AIG1: variants seen among roughly 807,000 people sequenced by gnomAD.
AIG1 encodes androgen-induced gene 1 protein.
In AIG1, 23 loss-of-function variants were observed where a neutral mutation model predicts 31.4. That is an observed-to-expected ratio of 0.73 (90% CI 0.53 to 1.04). The LOEUF (loss-of-function observed/expected upper bound fraction) is 1.04, where lower values mean the gene tolerates loss of function less well. Ranked by LOEUF, AIG1 falls within the 50% of genes least tolerant of loss-of-function variation. The pLI, the probability that AIG1 is intolerant of heterozygous loss-of-function variation, is 0.00. For missense variants in AIG1, 274 were observed against 295.0 expected, an observed-to-expected ratio of 0.93 and a Z score of 0.52; for synonymous variants, 100 against 110.5, an observed-to-expected ratio of 0.90 and a Z score of 0.60.
At chr6:143,216,806 G>C (rs184699317) in intron 3 of AIG1, among the ~76,000 whole-genome samples, 3 of 152,186 alleles carry the variant, frequency 2.0e-5, no homozygotes, top group East Asian at 1.9e-4. Context: ...CCCCAGCTGC[G>C]TGAGGACAGT....
chr6:143,192,414 G>A (rs1031997632), intron 3 of AIG1, among the ~76,000 whole-genome samples: 1 of 152,110 alleles, frequency 6.6e-6, no homozygotes, highest in South Asian at 2.1e-4. Context: ...AGCCCAGCCT[G>A]GCCAACATGG....
Position 143,201,738 on chromosome 6 carries a change from C to A in AIG1, c.399+36555C>A, listed in dbSNP as rs552661419. ...TCCTCTTTGTTACGGACCTGGGGAT[C>A]CTTTCCTTCCTATCCTACTAGGTCT... On this transcript the variant is annotated intron_variant, in intron 3 of 5. Transcript: ENST00000357847. Among the ~76,000 whole-genome samples the A allele has an allele frequency of 7.9e-5, 12 of 152,256 alleles. No individual in the cohort carries two copies. The South Asian group carries it at 2.3e-3, about 29-fold the overall frequency.
intron 3 of AIG1, among the ~76,000 whole-genome samples, chr6:143,267,663 T>C (rs1361163395): frequency 6.6e-6 from 1 of 152,188 alleles, no homozygotes; most frequent in Non-Finnish European, 1.5e-5. Flanking sequence ...GGCTACCAGA[T>C]ATCATAGACT....
At chr6:143,167,608 A>G (rs1446104752) in intron 3 of AIG1, among the ~76,000 whole-genome samples, 1 of 152,196 alleles carries the variant, frequency 6.6e-6, no homozygotes, top group East Asian at 1.9e-4. Context: ...TGGCTTATGA[A>G]GCATGTATCC....
chr6:143,094,068 G>C (rs1261528338), intron 1 of AIG1: 1 of 152,228 alleles, frequency 6.6e-6, no homozygotes, highest in East Asian at 1.9e-4. Context: ...ACCCTTGCTT[G>C]ATGCAGGGTT....
At chr6:143,296,704 G>A (rs571044245) in intron 4 of AIG1, among the ~76,000 whole-genome samples, 1 of 152,292 alleles carries the variant, frequency 6.6e-6, no homozygotes, top group Admixed American at 6.5e-5. Flanking sequence ...GAAATTTATA[G>A]CCTAAAAGAC....
intron 1 of AIG1, among the ~76,000 whole-genome samples, chr6:143,130,137 G>A (rs1783081362): frequency 6.6e-6 from 1 of 151,762 alleles, no homozygotes; most frequent in South Asian, 2.1e-4. Flanking sequence ...CACCATGTTG[G>A]CCAGGATAGT....
intron 3 of AIG1, among the ~76,000 whole-genome samples, chr6:143,198,302 A>C (rs1790420373): frequency 6.6e-6 from 1 of 152,208 alleles, no homozygotes; most frequent in African/African-American, 2.4e-5. Flanking sequence ...GCCTAGAACC[A>C]AACCCAGCCA....
Position 143,284,194 on chromosome 6 carries a change from A to G in AIG1, c.484A>G (p.Ile162Val). The change falls in exon 4 of 6, where the codon ATA becomes GTA. Residue 162 changes from isoleucine (I) to valine (V), a missense_variant. By Grantham distance (29) the Ile-to-Val change is conservative. Coordinates refer to ENST00000357847, the MANE Select transcript of AIG1 (RefSeq NM_016108.4). The surrounding 1 kb of genome is among the most constrained non-coding windows in gnomAD (Gnocchi z 4.4). ...CAGCAGGAGCAGCGGACTTACCGCC[A>G]TATGTACCTTCTCTGTTGGCTATAT... ...YPSRSSGLTA[I>V]CTFSVGYILW... The G allele has an allele frequency of 6.2e-7, 1 of 1,613,694 alleles. No homozygotes were observed. Among genetic ancestry groups the G allele is most frequent in the East Asian group, 2.2e-5 (1 of 44,882 alleles).
intron 3 of AIG1, among the ~76,000 whole-genome samples, chr6:143,214,942 G>A (rs1171469631): frequency 6.6e-6 from 1 of 152,130 alleles, no homozygotes; most frequent in African/African-American, 2.4e-5. Flanking sequence ...TTTCCATGGT[G>A]TACAAATATA....
chr6:143,160,285 A>C (rs2128557944), intron 2 of AIG1, among the ~76,000 whole-genome samples: 1 of 152,290 alleles, frequency 6.6e-6, no homozygotes, highest in East Asian at 1.9e-4. Context: ...ATTTCCCATT[A>C]ATCAATAAAG....
chr6:143,130,241 A>T (rs1420904051), intron 1 of AIG1, among the ~76,000 whole-genome samples: 2 of 151,866 alleles, frequency 1.3e-5, no homozygotes, highest in African/African-American at 2.4e-5. Context: ...TAGATACTTT[A>T]AAAAAAATTA....
chr6:143,226,491 G>A (rs1053577061), intron 3 of AIG1, among the ~76,000 whole-genome samples: 2 of 151,618 alleles, frequency 1.3e-5, no homozygotes, highest in Non-Finnish European at 2.9e-5. Context: ...TGATCCACCC[G>A]CCTTGGCCTC....
chr6:143,164,802 G>C, intron 2 of AIG1: 1 of 271,472 alleles, frequency 3.7e-6, no homozygotes, highest in Non-Finnish European at 7.0e-6. Flanking sequence ...GCCCTGAAAC[G>C]GAGCTGTACA....
upstream of AIG1, among the ~76,000 whole-genome samples, chr6:143,059,974 AAAGT>A (rs1434447663): frequency 6.6e-6 from 1 of 152,206 alleles, no homozygotes; most frequent in African/African-American, 2.4e-5. Flanking sequence ...GTGTAAGAAA[AAAGT>A]AAGGGCAAAA....
Position 143,292,417 on chromosome 6 carries a change from A to C in AIG1, c.515+8192A>C, listed in dbSNP as rs1219369782. Among the ~76,000 whole-genome samples the C allele has an allele frequency of 6.6e-6, 1 of 152,212 alleles. No homozygotes were observed. ...TGCCGAAGGACAGTTAGAGAGATGCAGTGGAGAAAGGACTTGAACTGCCGT... is the reference window on the plus strand; with the variant it reads ...TGCCGAAGGACAGTTAGAGAGATGCCGTGGAGAAAGGACTTGAACTGCCGT... On this transcript the variant is annotated intron_variant, in intron 4 of 5. Transcript: ENST00000357847. This position sits in a 1 kb window ranked among gnomAD's most constrained non-coding sequence, Gnocchi z 4.9.
At chr6:143,074,014 T>C (rs768810051) in intron 1 of AIG1, among the ~76,000 whole-genome samples, 2 of 152,248 alleles carry the variant, frequency 1.3e-5, no homozygotes, top group Non-Finnish European at 2.9e-5. Context: ...CACCTTTTCA[T>C]AGACCTGTTG....
intron 2 of AIG1, among the ~76,000 whole-genome samples, chr6:143,155,527 G>A (rs753341393): frequency 1.3e-5 from 2 of 152,076 alleles, no homozygotes; most frequent in East Asian, 1.9e-4. Flanking sequence ...GGAACTGGCC[G>A]CCGTGCAGGA....
At chr6:143,165,915 T>C (rs1786890497) in intron 3 of AIG1, among the ~76,000 whole-genome samples, 2 of 152,210 alleles carry the variant, frequency 1.3e-5, no homozygotes, top group East Asian at 1.9e-4. Context: ...GTTTTTGGAA[T>C]TGAGCACTAC....
Sources: allele counts gnomAD v4.1 joint callset (sites outside exome capture counted in the v4.1 genomes callset), GRCh38; gene constraint gnomAD v4.1.1; non-coding constraint Gnocchi (gnomAD v3.1); transcripts MANE v1.5; gene names NCBI Gene and HGNC (gene_info 2026-07-23, HGNC 2026-07-21).